The following TACC2 variants were observed in gnomAD, a reference collection of about 807,000 sequenced individuals.
TACC2 encodes transforming acidic coiled-coil containing protein 2.
A neutral mutation model predicts 227.3 loss-of-function variants in TACC2; 137 were observed. The observed-to-expected ratio is 0.60, with a 90% CI of 0.52 to 0.69. The LOEUF (loss-of-function observed/expected upper bound fraction) is 0.69. TACC2 is among the 30% of genes least tolerant of loss of function. The pLI is 0.00. For synonymous variants in TACC2, 1,523 were observed against 1,487.5 expected, an observed-to-expected ratio of 1.02 and a Z score of -0.55; for missense variants, 3,470 against 3,694.4, an observed-to-expected ratio of 0.94 and a Z score of 1.57.
At chr10:122,211,746 G>C in intron 9 of TACC2, 38 bp downstream of exon 9, 2 of 1,508,270 alleles carry the variant, frequency 1.3e-6, no homozygotes, top group Non-Finnish European at 1.8e-6. Flanking sequence ...ATCAGAGGCG[G>C]GGGTGCGCAT....
At chr10:122,049,361 C>T (rs1017872144) in intron 2 of TACC2, among the ~76,000 whole-genome samples, 13 of 152,178 alleles carry the variant, frequency 8.5e-5, no homozygotes, top group African/African-American at 2.7e-4. Flanking sequence ...GGTGACTTCC[C>T]GACTCACCTT....
chr10:122,029,049 G>A (rs1958600630), intron 2 of TACC2, among the ~76,000 whole-genome samples: 1 of 129,250 alleles, frequency 7.7e-6, no homozygotes, highest in Non-Finnish European at 1.6e-5. Flanking sequence ...TACAGTGGCT[G>A]GGACTTTCAG....
At chr10:122,041,872 G>A (rs1002797663) in intron 2 of TACC2, among the ~76,000 whole-genome samples, 2 of 152,390 alleles carry the variant, frequency 1.3e-5, no homozygotes, top group African/African-American at 4.8e-5. Flanking sequence ...GAACAACACG[G>A]CTCCAGGTTT....
At chr10:122,042,458 G>A (rs2074422276) in intron 2 of TACC2, among the ~76,000 whole-genome samples, 1 of 151,904 alleles carries the variant, frequency 6.6e-6, no homozygotes. Flanking sequence ...GGCCAGGCTG[G>A]TCTCGAACTC....
At chr10:122,077,680 G>A (rs1264894867) in intron 3 of TACC2, among the ~76,000 whole-genome samples, 1 of 152,274 alleles carries the variant, frequency 6.6e-6, no homozygotes, top group African/African-American at 2.4e-5. Flanking sequence ...GGGGGCCAGA[G>A]AGGATGGGAG....
chr10:122,121,059 C>A (rs1015211346), intron 5 of TACC2, among the ~76,000 whole-genome samples: 1 of 152,182 alleles, frequency 6.6e-6, no homozygotes, highest in Non-Finnish European at 1.5e-5. Context: ...CACACCTGGC[C>A]CTGTATTCAT....
intron 12 of TACC2, among the ~76,000 whole-genome samples, chr10:122,225,788 C>G (rs574160663): frequency 2.6e-5 from 4 of 152,202 alleles, no homozygotes; most frequent in Non-Finnish European, 4.4e-5. Flanking sequence ...AGCAGAGCCA[C>G]CCAGAGATTT....
intron 5 of TACC2, among the ~76,000 whole-genome samples, chr10:122,118,322 T>C (rs546296865): frequency 6.6e-6 from 1 of 152,232 alleles, no homozygotes; most frequent in East Asian, 1.9e-4. Flanking sequence ...GCCTGGACGT[T>C]ACCTTTCTTA....
intron 18 of TACC2, 83 bp downstream of exon 18, chr10:122,238,120 A>G: frequency 9.2e-7 from 1 of 1,087,060 alleles, no homozygotes; most frequent in Non-Finnish European, 1.4e-6. Flanking sequence ...TGTGGTCCAC[A>G]GAAGAGTGTC....
chr10:122,196,999 G>A (rs967175708), intron 8 of TACC2, among the ~76,000 whole-genome samples: 4 of 149,938 alleles, frequency 2.7e-5, no homozygotes, highest in Non-Finnish European at 5.9e-5. Context: ...GGTGGCTCAC[G>A]CCTGTAATCC....
At chr10:122,059,746 G>T (rs1191368767) in intron 3 of TACC2, among the ~76,000 whole-genome samples, 5 of 152,164 alleles carry the variant, frequency 3.3e-5, no homozygotes, top group Admixed American at 2.6e-4. Flanking sequence ...GGGTGGTGTG[G>T]AGGCTCTGAA....
chr10:122,076,859 A>C (rs576601410), intron 3 of TACC2, among the ~76,000 whole-genome samples: 1 of 152,266 alleles, frequency 6.6e-6, no homozygotes, highest in South Asian at 2.1e-4. Context: ...TCATGTCTAT[A>C]ATCCGAGCAC....
Position 122,058,141 on chromosome 10 carries a change from G to T in TACC2, c.146+7591G>T, listed in dbSNP as rs570059794. Among the ~76,000 whole-genome samples, 16 of 152,278 alleles carry T rather than the reference G, an allele frequency of 1.1e-4. No individual in the cohort carries two copies. The East Asian group carries it at 2.9e-3, about 28-fold the overall frequency. ...TTAATGTATAAAGCCTAATTTTAGC[G>T]CATTTAAATGTTGTCTACACCACAA... On this transcript the variant is annotated intron_variant, in intron 3 of 22. Coordinates refer to ENST00000369005, the MANE Select transcript of TACC2 (RefSeq NM_206862.4).
At chr10:122,067,875 C>G (rs2077562259) in intron 3 of TACC2, among the ~76,000 whole-genome samples, 1 of 152,116 alleles carries the variant, frequency 6.6e-6, no homozygotes. Context: ...TAGTTTACAT[C>G]ATATTTGGAG....
chr10:122,132,752 G>A lies in TACC2; in HGVS notation c.5699+18G>A. The A allele has an allele frequency of 1.2e-6, 2 of 1,613,640 alleles. No individual in the cohort carries two copies. Among genetic ancestry groups the A allele is most frequent in the Non-Finnish European group, 1.7e-6 (2 of 1,179,780 alleles). On this transcript the variant is annotated intron_variant, in intron 6 of 22. Transcript: ENST00000369005. ...GCCCAGAGGTACGGTGGGGGCCCTG[G>A]AGCTGGTGATGAGACCTCAGGGCCC...
chr10:122,171,163 G>T (rs2093454590), intron 7 of TACC2, among the ~76,000 whole-genome samples: 1 of 152,308 alleles, frequency 6.6e-6, no homozygotes, highest in Admixed American at 6.5e-5. Flanking sequence ...TCCGGTGGGG[G>T]TGGTGGGCCT....
chr10:122,153,754 T>C (rs551521370), intron 7 of TACC2, among the ~76,000 whole-genome samples: 29 of 152,338 alleles, frequency 1.9e-4, no homozygotes, highest in Non-Finnish European at 2.9e-4. Flanking sequence ...ACTGTTATTA[T>C]TTTCATTGCA....
intron 22 of TACC2, among the ~76,000 whole-genome samples, chr10:122,252,693 G>A (rs949162599): frequency 9.9e-5 from 15 of 151,856 alleles, no homozygotes; most frequent in African/African-American, 3.1e-4. Context: ...GGGTTTCACC[G>A]TGTTGGCCAG....
At chr10:122,051,768 T>G in intron 3 of TACC2, 3 of 20,770 alleles carry the variant, frequency 1.4e-4, no homozygotes, top group Non-Finnish European at 2.4e-4. Context: ...AAAGTGACTT[T>G]TTTTTTTTTT....
Sources: gnomAD v4.1 joint callset for allele counts (sites outside exome capture counted in the v4.1 genomes callset) on GRCh38, gnomAD v4.1.1 for gene constraint, MANE v1.5 for transcripts, NCBI Gene and HGNC (gene_info 2026-07-23, HGNC 2026-07-21) for gene names.